Variants in ANKRD28 observed in about 807,000 individuals in gnomAD.
ANKRD28 encodes the protein ankyrin repeat domain 28.
In ANKRD28, 44 loss-of-function variants were observed where a neutral mutation model predicts 126.5. That is an observed-to-expected ratio of 0.35 (90% CI 0.27 to 0.45). The LOEUF is 0.45. Ranked by LOEUF, ANKRD28 falls within the 20% of genes least tolerant of loss-of-function variation. The probability of loss-of-function intolerance (pLI) is 1.00; values close to 1 mark genes in which losing one functional copy is unlikely to be tolerated. For missense variants in ANKRD28, 1,110 were observed against 1,316.6 expected (o/e 0.84, Z 2.43); for synonymous variants, 442 against 468.5 (o/e 0.94, Z 0.73).
chr3:15,736,629 G>A (rs1260290410), intron 5 of ANKRD28, among the ~76,000 whole-genome samples: 1 of 152,156 alleles, frequency 6.6e-6, no homozygotes, highest in African/African-American at 2.4e-5. Flanking sequence ...TTCTTAAATT[G>A]TTTTGATGGT....
intron 1 of ANKRD28, among the ~76,000 whole-genome samples, chr3:15,813,418 A>G (rs951820465): frequency 6.6e-6 from 1 of 152,114 alleles, no homozygotes; most frequent in Non-Finnish European, 1.5e-5. Flanking sequence ...CCAAAAACAA[A>G]TTATTACAGA....
Position 15,853,371 on chromosome 3 carries a change from T to A in ANKRD28, c.27+6006A>T, listed in dbSNP as rs934399141. 1.3e-5 allele frequency among the ~76,000 whole-genome samples: 2 copies of A among 152,174 alleles called. No homozygotes were observed. Among genetic ancestry groups the A allele is most frequent in the African/African-American group, 4.8e-5 (2 of 41,450 alleles). ...TAAATTTTACATTAGACTAGAAAAT[T>A]AAAAAGGAAATAAGACAAAATGCTG... On this transcript the variant is annotated intron_variant, in intron 1 of 27. Transcript: ENST00000399451. This position sits in a 1 kb window ranked among gnomAD's most constrained non-coding sequence, Gnocchi z 4.2.
At chr3:15,829,260 C>G (rs1306140776) in intron 1 of ANKRD28, among the ~76,000 whole-genome samples, 1 of 152,026 alleles carries the variant, frequency 6.6e-6, no homozygotes, top group Non-Finnish European at 1.5e-5. Context: ...AATTAAGTAG[C>G]ACTGTTCATG....
intron 1 of ANKRD28, among the ~76,000 whole-genome samples, chr3:15,795,651 G>C (rs2060243655): frequency 6.6e-6 from 1 of 152,062 alleles, no homozygotes; most frequent in Non-Finnish European, 1.5e-5. Flanking sequence ...CTACTTGTGG[G>C]ACAGAACTTT....
chr3:15,800,018 A>G (rs952185805), upstream of ANKRD28, among the ~76,000 whole-genome samples: 106 of 152,192 alleles, frequency 7.0e-4, no homozygotes, highest in African/African-American at 2.5e-3. Flanking sequence ...CATATCTCTA[A>G]TAAGTGAACA....
At position 15,686,496 on chromosome 3, in the gene ANKRD28, G is replaced by A. The variant is rs930121253; in HGVS notation, c.1964-187C>T. The A allele has an allele frequency of 9.5e-5, 57 of 598,194 alleles. No homozygotes were observed. In the African/African-American group the frequency reaches 1.0e-3, roughly 11 times the overall value. The allele number at this position is 598,194 out of a possible 1,614,324, so 37.1% of individuals were successfully genotyped here. On this transcript the variant is annotated intron_variant, in intron 18 of 27. Transcript: ENST00000683139. ...TGACTGTTAAAGCTGGAATAAATGT[G>A]AATTCCTCACAGTAAAACATGACAG...
At chr3:15,742,731 C>T (rs1298370396) in intron 4 of ANKRD28, among the ~76,000 whole-genome samples, 1 of 111,042 alleles carries the variant, frequency 9.0e-6, no homozygotes, top group Non-Finnish European at 1.8e-5. Flanking sequence ...CCCGGCCAGC[C>T]GCCCCGTCCG....
chr3:15,690,022 C>T lies in ANKRD28; in HGVS notation c.1960G>A (p.Ala654Thr), dbSNP rs1338189660. The T allele has an allele frequency of 6.2e-7, 1 of 1,604,862 alleles. No individual in the cohort carries two copies. Among genetic ancestry groups the T allele is most frequent in the Non-Finnish European group, 8.5e-7 (1 of 1,174,898 alleles). The change falls in exon 18 of 28, where the codon GCA becomes ACA. Residue 654 changes from alanine (A) to threonine (T), a missense_variant. Coordinates refer to ENST00000683139, the MANE Select transcript of ANKRD28 (RefSeq NM_001349278.2). ...YILKRTPIHA[A>T]ATNGHSECLR... ...TCAAGCATAATATCTGGCATACCTGCTGCATGAATAGGTGTCCTCTTCAAA... is the reference window on the plus strand; with the variant it reads ...TCAAGCATAATATCTGGCATACCTGTTGCATGAATAGGTGTCCTCTTCAAA...
intron 1 of ANKRD28, among the ~76,000 whole-genome samples, chr3:15,857,087 T>C (rs928578204): frequency 1.3e-5 from 2 of 152,228 alleles, no homozygotes; most frequent in South Asian, 2.1e-4. Flanking sequence ...GCTTTCTATT[T>C]CATTTTTACC....
chr3:15,779,853 T>C (rs891688910), intron 2 of ANKRD28, among the ~76,000 whole-genome samples: 1 of 152,216 alleles, frequency 6.6e-6, no homozygotes, highest in African/African-American at 2.4e-5. Context: ...TCTACAAATT[T>C]AGCAGTAATC....
chr3:15,802,514 G>T (rs748031747), upstream of ANKRD28, among the ~76,000 whole-genome samples: 18 of 152,006 alleles, frequency 1.2e-4, no homozygotes, highest in Non-Finnish European at 5.9e-5. Context: ...TATATCCTTC[G>T]AGCCCTGTTC....
At chr3:15,859,439 C>T (rs1388130242) in exon 1 of ANKRD28, 5 of 1,508,110 alleles carry the variant, frequency 3.3e-6, no homozygotes, top group South Asian at 1.2e-5. Flanking sequence ...GCCTCCTCCT[C>T]CTCCGCCGCT....
At chr3:15,681,015 A>G (rs2125705461) in intron 21 of ANKRD28, among the ~76,000 whole-genome samples, 1 of 152,272 alleles carries the variant, frequency 6.6e-6, no homozygotes, top group African/African-American at 2.4e-5. Flanking sequence ...TTCCTACCAA[A>G]GTGATATTGC....
intron 17 of ANKRD28, among the ~76,000 whole-genome samples, chr3:15,693,423 G>A (rs2069082307): frequency 2.5e-3 from 1 of 398 alleles, no homozygotes; most frequent in African/African-American, 9.1e-3. Flanking sequence ...AAATTGAAGG[G>A]TGGGGTAGAA....
rs1357402514 is a variant in ANKRD28, at chr3:15,749,095, G to GTTTTTTTTTTT, written c.351+2654_351+2655insAAAAAAAAAAA. On this transcript the variant is annotated intron_variant, in intron 4 of 27. Coordinates refer to ENST00000683139, the MANE Select transcript of ANKRD28 (RefSeq NM_001349278.2). ...ATTTTCCTTTCATATTCTATATTATGTTTTTGTTTTTTTTTTTTTTTTTTT... is the reference window on the plus strand; with the variant it reads ...ATTTTCCTTTCATATTCTATATTATGTTTTTTTTTTTTTTTTGTTTTTTTTTTTTTTTTTTT... 2.9e-3 allele frequency among the ~76,000 whole-genome samples: 309 copies of GTTTTTTTTTTT among 106,914 alleles called. 61 individuals are homozygous for GTTTTTTTTTTT. Among genetic ancestry groups the GTTTTTTTTTTT allele is most frequent in the East Asian group, 0.017 (51 of 3,018 alleles). 70.1% of individuals were successfully genotyped at this position (106,914 alleles called of 152,430 possible).
rs762011452 is a variant in ANKRD28, at chr3:15,690,092, A to C, written c.1890T>G (p.Asp630Glu). The C allele has an allele frequency of 1.2e-6, 2 of 1,612,318 alleles. No homozygotes were observed. Among genetic ancestry groups the C allele is most frequent in the Non-Finnish European group, 1.7e-6 (2 of 1,179,204 alleles). The change falls in exon 18 of 28, where the codon GAT becomes GAG. Residue 630 changes from aspartate to glutamate, a missense_variant. Physicochemically the swap from Asp to Glu is conservative, Grantham distance 45. Coordinates refer to ENST00000683139, the MANE Select transcript of ANKRD28 (RefSeq NM_001349278.2). ...TTGAGGCTCCCTGATTAATGAGTAC[A>C]TCCACACATTCAACATGGCCCTTAA... ...AAFKGHVECVDVLINQGASIL... is the reference protein window; with the variant it reads ...AAFKGHVECVEVLINQGASIL...
intron 27 of ANKRD28, among the ~76,000 whole-genome samples, chr3:15,675,567 C>T (rs1191007991): frequency 1.3e-5 from 2 of 152,102 alleles, no homozygotes; most frequent in Admixed American, 6.5e-5. Context: ...GAAACACTGG[C>T]TTTAAATAAG....
chr3:15,821,268 C>T (rs760855953), intron 1 of ANKRD28, among the ~76,000 whole-genome samples: 5 of 152,174 alleles, frequency 3.3e-5, no homozygotes, highest in Admixed American at 1.3e-4. Context: ...TCAGTAGTTA[C>T]GTTCCTTAAA....
rs776103250 is a variant in ANKRD28 at position 15,713,583 on chromosome 3, C to T, written c.1134G>A (p.Arg378=). 1 of 1,611,246 alleles carries T rather than the reference C, an allele frequency of 6.2e-7. No individual in the cohort carries two copies. The highest frequency in any genetic ancestry group is 1.3e-5 in the African/African-American group (1 of 74,768). Residue 378 remains arginine, a synonymous_variant, in exon 10 of 28, where the codon CGG becomes CGA. Transcript: ENST00000683139. ...NGNTPLHIAA[R]YGHELLINTL... is the part of the protein sequence containing the mutation. ...TGTTGATCAGCAGCTCATGGCCATA[C>T]CGTGCTGCTATGTGCAAAGGGGTAT...
Sources: allele counts gnomAD v4.1 joint callset (sites outside exome capture counted in the v4.1 genomes callset), GRCh38; gene constraint gnomAD v4.1.1; non-coding constraint Gnocchi (gnomAD v3.1); transcripts MANE v1.5; gene names NCBI Gene and HGNC (gene_info 2026-07-23, HGNC 2026-07-21).